The following CIT variants were observed in gnomAD, a reference collection of about 807,000 sequenced individuals.
CIT encodes the protein citron Rho-interacting kinase.
A neutral mutation model predicts 272.7 loss-of-function variants in CIT; 79 were observed. The observed-to-expected ratio is 0.29, with a 90% CI of 0.24 to 0.35. The LOEUF is 0.35. Among genes scored for constraint, CIT ranks in the 10% least tolerant of loss-of-function variants. The probability of loss-of-function intolerance (pLI) is 1.00; values close to 1 mark genes in which losing one functional copy is unlikely to be tolerated. For synonymous variants in CIT, 948 were observed against 995.6 expected, an observed-to-expected ratio of 0.95 and a Z score of 0.90; for missense variants, 1,909 against 2,618.3, an observed-to-expected ratio of 0.73 and a Z score of 5.91.
In CIT at chr12:119,744,714, C is replaced by CAAA. The variant is rs33990797; in HGVS notation, c.2905-2253_2905-2251dup. On this transcript the variant is annotated intron_variant, in intron 23 of 47. Transcript: ENST00000392521. ...TGGGCAACAGGGCGAGACTCCGCCTCAAAAAAAAAAAAAAAAAAAAGTCTA... is the reference window on the plus strand; with the variant it reads ...TGGGCAACAGGGCGAGACTCCGCCTCAAAAAAAAAAAAAAAAAAAAAAAGTCTA... Among the ~76,000 whole-genome samples the CAAA allele has an allele frequency of 3.0e-3, 311 of 103,384 alleles. 10 individuals are homozygous for CAAA. Among genetic ancestry groups the CAAA allele is most frequent in the African/African-American group, 0.01 (274 of 26,140 alleles). The allele number at this position is 103,384 out of a possible 152,430, so 67.8% of individuals were successfully genotyped here. A position where few individuals can be genotyped will look rare whatever the true frequency, so the allele number is the denominator to read the frequency against.
Position 119,710,514 on chromosome 12 carries a change from G to A in CIT, c.4935+26C>T. ...GGGGTGTGGCTGTAACCAGACACCAGCTGGCCGTGCCCATGCAAGCATTAC... is the reference window on the plus strand; with the variant it reads ...GGGGTGTGGCTGTAACCAGACACCAACTGGCCGTGCCCATGCAAGCATTAC... On this transcript the variant is annotated intron_variant, in intron 38 of 47. Coordinates refer to ENST00000392521, the MANE Select transcript of CIT (RefSeq NM_001206999.2). This position sits in a 1 kb window ranked among gnomAD's most constrained non-coding sequence, Gnocchi z 5.6. The A allele has an allele frequency of 6.2e-7, 1 of 1,613,378 alleles. No individual in the cohort carries two copies.
At chr12:119,862,189 A>G (rs1236705766) in intron 3 of CIT, among the ~76,000 whole-genome samples, 1 of 152,128 alleles carries the variant, frequency 6.6e-6, no homozygotes, top group Non-Finnish European at 1.5e-5. Flanking sequence ...GGAGACTGGT[A>G]TCACCATTTT....
At chr12:119,807,902 T>A (rs1966700119) in intron 9 of CIT, among the ~76,000 whole-genome samples, 1 of 150,280 alleles carries the variant, frequency 6.7e-6, no homozygotes. Flanking sequence ...AAAAAAAAAA[T>A]AGAAAAAAAT....
rs777807592 is a variant in CIT at position 119,718,650 on chromosome 12, C to T, written c.4003+49G>A. On this transcript the variant is annotated intron_variant, in intron 31 of 47. Transcript: ENST00000392521. This position sits in a 1 kb window ranked among gnomAD's most constrained non-coding sequence, Gnocchi z 4.8. ...TTGGCTGATCTCACTGAGATCAATC[C>T]TCTGCCTTTTCCACATCCTTGAGCA... The T allele has an allele frequency of 6.2e-7, 1 of 1,608,816 alleles. No homozygotes were observed. The highest frequency in any genetic ancestry group is 8.5e-7 in the Non-Finnish European group (1 of 1,177,454).
chr12:119,766,582 C>T (rs1162756641), intron 19 of CIT, among the ~76,000 whole-genome samples: 2 of 152,122 alleles, frequency 1.3e-5, no homozygotes, highest in Non-Finnish European at 2.9e-5. Flanking sequence ...AGGATGACTA[C>T]AGTCAATAGT....
At chr12:119,734,423 T>G in intron 25 of CIT, 66 bp from the exon 26 acceptor site, 1 of 1,541,702 alleles carries the variant, frequency 6.5e-7, no homozygotes, top group Non-Finnish European at 8.9e-7. Flanking sequence ...ATTACTTTGG[T>G]CGGGTCAGTT....
chr12:119,774,558 A>AT (rs1963543584), intron 16 of CIT, among the ~76,000 whole-genome samples: 2 of 150,512 alleles, frequency 1.3e-5, no homozygotes, highest in African/African-American at 4.9e-5. Flanking sequence ...CACAATGTAT[A>AT]TGTGTGTGTG....
chr12:119,832,071 G>A (rs1212599787), intron 7 of CIT, among the ~76,000 whole-genome samples: 1 of 152,170 alleles, frequency 6.6e-6, no homozygotes, highest in Non-Finnish European at 1.5e-5. Context: ...TGGCTCAGTT[G>A]TAAAATCAGT....
rs117200164 is a variant in CIT at position 119,728,753 on chromosome 12, G to A, written c.3487-147C>T. Reference sequence around the variant, plus strand: ...AGGTTGCTTTTTTCTAAATACAGAAGTCCCTGTCACTGGTGAGTCTTCCAT... The same window carrying A: ...AGGTTGCTTTTTTCTAAATACAGAAATCCCTGTCACTGGTGAGTCTTCCAT... On this transcript the variant is annotated intron_variant, in intron 27 of 47. Transcript: ENST00000392521. This position sits in a 1 kb window ranked among gnomAD's most constrained non-coding sequence, Gnocchi z 4.3. 0.017 allele frequency: 10,161 copies of A among 590,620 alleles called. 140 individuals carry two copies. Among genetic ancestry groups the A allele is most frequent in the Non-Finnish European group, 0.025 (8,387 of 335,880 alleles). 36.6% of individuals were successfully genotyped at this position (590,620 alleles called of 1,614,324 possible).
chr12:119,810,214 T>C (rs1487370298), intron 9 of CIT, among the ~76,000 whole-genome samples: 8 of 152,128 alleles, frequency 5.3e-5, no homozygotes, highest in South Asian at 4.2e-4. Context: ...ACCTGTGGGA[T>C]TGAGCCCTAT....
At chr12:119,700,094 A>C (rs1956470227) in intron 44 of CIT, among the ~76,000 whole-genome samples, 1 of 152,274 alleles carries the variant, frequency 6.6e-6, no homozygotes, top group Non-Finnish European at 1.5e-5. Context: ...GAACTGGTTA[A>C]GTGAACAGGT....
rs138075571 is a variant in CIT, at chr12:119,697,198, C to T, written c.5882+461G>A. On this transcript the variant is annotated intron_variant, in intron 46 of 47. Transcript: ENST00000392521. The surrounding 1 kb of genome is among the most constrained non-coding windows in gnomAD (Gnocchi z 4.9). ...GGGAAATCCTCCCTCACCTCCACGT[C>T]CAGGCTTTCAACCACCCCACCAGGG... Among the ~76,000 whole-genome samples, 22 of 152,216 alleles carry T rather than the reference C, an allele frequency of 1.4e-4. No individual in the cohort carries two copies. Among genetic ancestry groups the T allele is most frequent in the Middle Eastern group, 6.8e-3 (2 of 294 alleles).
intron 28 of CIT, among the ~76,000 whole-genome samples, chr12:119,725,771 G>A (rs1958061467): frequency 6.6e-6 from 1 of 152,194 alleles, no homozygotes; most frequent in Admixed American, 6.5e-5. Flanking sequence ...CATAACCTTG[G>A]ACCAAAGTAC....
chr12:119,838,938 C>A (rs1047334975), intron 5 of CIT, among the ~76,000 whole-genome samples: 10 of 152,156 alleles, frequency 6.6e-5, no homozygotes, highest in Non-Finnish European at 1.2e-4. Context: ...AGTGAAACAG[C>A]CCAAAACAAT....
intron 9 of CIT, among the ~76,000 whole-genome samples, chr12:119,808,030 T>C (rs1298371940): frequency 6.6e-6 from 1 of 152,188 alleles, no homozygotes; most frequent in Admixed American, 6.5e-5. Flanking sequence ...TTTTTTGTTT[T>C]TGTTTTTGTT....
chr12:119,688,195 C>T lies in CIT; in HGVS notation c.*37G>A. On this transcript the variant is annotated 3_prime_UTR_variant, in exon 48 of 48. Transcript: ENST00000392521. ...CCATAGTGTGTTTGGTGTTTTCCTG[C>T]AGATCAAGATGAGGAGTTGGTTTTT... 6.2e-7 allele frequency: 1 copy of T among 1,604,326 alleles called. No individual in the cohort carries two copies. Among genetic ancestry groups the T allele is most frequent in the Non-Finnish European group, 8.5e-7 (1 of 1,171,110 alleles).
At position 119,712,225 on chromosome 12, in the gene CIT, C is replaced by A. The variant is rs752909961; in HGVS notation, c.4807G>T (p.Val1603Phe). The change falls in exon 37 of 48, where the codon GTT (valine) becomes TTT (phenylalanine). Residue 1603 changes from valine (V) to phenylalanine (F), a missense_variant. Physicochemically the swap from Val to Phe is conservative, Grantham distance 50. Around this residue, in one of 8 missense-constraint regions of CIT, gnomAD observed 780 missense variants for 1,067.2 expected, o/e 0.73. Coordinates refer to ENST00000392521, the MANE Select transcript of CIT (RefSeq NM_001206999.2). This position sits in a 1 kb window ranked among gnomAD's most constrained non-coding sequence, Gnocchi z 5.2. ...KQRWVTALES[V>F]VAGGRVSREK... ...CTAGAAACTCTCCCACCTGCGACAACTGATTCTAAGGCGGTGACCCAGCGC... is the reference window on the plus strand; with the variant it reads ...CTAGAAACTCTCCCACCTGCGACAAATGATTCTAAGGCGGTGACCCAGCGC... The A allele has an allele frequency of 1.2e-5, 20 of 1,611,972 alleles. No homozygotes were observed. The highest frequency in any genetic ancestry group is 1.7e-5 in the Non-Finnish European group (20 of 1,178,972).
intron 23 of CIT, chr12:119,742,866 G>GACAC (rs56003708): frequency 0.036 from 5,443 of 151,810 alleles, 134 homozygotes; most frequent in African/African-American, 0.062. Flanking sequence ...CCTACTCCCT[G>GACAC]ACACACACAC....
intron 16 of CIT, among the ~76,000 whole-genome samples, chr12:119,774,028 C>T (rs959239839): frequency 3.2e-4 from 49 of 152,224 alleles, no homozygotes; most frequent in African/African-American, 1.1e-3. Context: ...TAGGACATTA[C>T]GCTAAATGAA....
Sources: gnomAD v4.1 joint callset for allele counts (sites outside exome capture counted in the v4.1 genomes callset) on GRCh38, gnomAD v4.1.1 for gene constraint, gnomAD v4.1.1 regional missense constraint, Gnocchi (gnomAD v3.1) non-coding constraint, MANE v1.5 for transcripts, NCBI Gene and HGNC (gene_info 2026-07-23, HGNC 2026-07-21) for gene names.